Variants in ZNF143 observed in about 807,000 individuals in gnomAD.
ZNF143 encodes the protein zinc finger protein 143, also known as SPH-binding factor.
Under a neutral mutation model 74.1 loss-of-function variants are expected in ZNF143, and 49 were observed. The observed-to-expected ratio is 0.66, with a 90% CI of 0.53 to 0.84. ZNF143 has a LOEUF of 0.84. ZNF143 is among the 40% of genes least tolerant of loss of function. ZNF143 has a pLI of 0.00. For synonymous variants in ZNF143, 304 were observed against 282.8 expected (o/e 1.07, Z -0.75); for missense variants, 637 against 793.4 (o/e 0.80, Z 2.37).
rs1856737562 is a variant in ZNF143 at position 9,473,994 on chromosome 11, T to C, written c.259T>C (p.Tyr87His). The change falls in exon 4 of 16, where the codon TAT (tyrosine) becomes CAT (histidine). Residue 87 changes from tyrosine to histidine, a missense_variant. Coordinates refer to ENST00000396602, the MANE Select transcript of ZNF143 (RefSeq NM_003442.6). ...VIQLEDGSAA[Y>H]VQHVPIPKST... ...TCAGTTGGAAGATGGTTCTGCGGCC[T>C]ATGTTCAACATGTACCCATACCTAA... is the stretch of plus-strand genomic sequence containing the variant. 2 of 1,613,972 alleles carry C rather than the reference T, an allele frequency of 1.2e-6. No homozygotes were observed. The highest frequency in any genetic ancestry group is 1.7e-6 in the Non-Finnish European group (2 of 1,179,886).
At chr11:9,513,440 T>A (rs1388153622) in intron 13 of ZNF143, among the ~76,000 whole-genome samples, 3 of 152,256 alleles carry the variant, frequency 2.0e-5, no homozygotes, top group Non-Finnish European at 4.4e-5. Flanking sequence ...TAATTCTGCA[T>A]CAGCCTTAAC....
chr11:9,497,220 T>TA (rs1354514272), intron 9 of ZNF143, among the ~76,000 whole-genome samples: 13 of 152,190 alleles, frequency 8.5e-5, no homozygotes, highest in Non-Finnish European at 1.0e-4. Context: ...CGAGCTATGA[T>TA]ACTTTTGTAC....
At chr11:9,465,176 CTATTTTTTT>C (rs1235720209) in intron 1 of ZNF143, among the ~76,000 whole-genome samples, 3 of 152,044 alleles carry the variant, frequency 2.0e-5, no homozygotes, top group Non-Finnish European at 4.4e-5. Context: ...TTGGGACTTA[CTATTTTTTT>C]TATTTATTTT....
chr11:9,485,487 A>G (rs1847437690), intron 7 of ZNF143, among the ~76,000 whole-genome samples: 1 of 150,868 alleles, frequency 6.6e-6, no homozygotes, highest in South Asian at 2.1e-4. Context: ...AGCTGGAATT[A>G]CAGGCTTATA....
At chr11:9,519,946 G>A (rs192148012) in intron 14 of ZNF143, among the ~76,000 whole-genome samples, 1 of 152,044 alleles carries the variant, frequency 6.6e-6, no homozygotes, top group East Asian at 1.9e-4. Flanking sequence ...AGCACTTTGG[G>A]AGGCCAAGGT....
At chr11:9,525,799 A>G (rs1007193169) in intron 15 of ZNF143, among the ~76,000 whole-genome samples, 1 of 152,178 alleles carries the variant, frequency 6.6e-6, no homozygotes, top group Admixed American at 6.5e-5. Context: ...AAAGTGGGGA[A>G]TGTCAGAAGA....
In ZNF143 at chr11:9,473,940, G is replaced by A; in HGVS notation, c.206-1G>A. The A allele has an allele frequency of 2.5e-6, 4 of 1,614,064 alleles. No homozygotes were observed. Among genetic ancestry groups the A allele is most frequent in the Non-Finnish European group, 3.4e-6 (4 of 1,179,962 alleles). On this transcript the variant is annotated splice_acceptor_variant, in intron 3 of 15. Coordinates refer to ENST00000396602, the MANE Select transcript of ZNF143 (RefSeq NM_003442.6). LOFTEE classifies it high-confidence loss of function. ...TTATTGTCTTGAATCTTTTGTTATA[G>A]ATGCAAAACTCATAGATGGCCAGGT...
chr11:9,474,547 G>T lies in ZNF143; in HGVS notation c.290-3G>T, dbSNP rs759838783. The T allele has an allele frequency of 1.2e-6, 2 of 1,613,952 alleles. No individual in the cohort carries two copies. The highest frequency in any genetic ancestry group is 3.3e-5 in the Admixed American group (2 of 59,970). ...AGATCTAAATGTAAGCATTGTTCTT[G>T]AGCAGGGGACAGTTTGCGTCTAGAG... On this transcript the variant is annotated splice_polypyrimidine_tract_variant and splice_region_variant and intron_variant, in intron 4 of 15. Transcript: ENST00000396602.
intron 1 of ZNF143, among the ~76,000 whole-genome samples, chr11:9,462,500 C>T (rs1431577870): frequency 6.6e-6 from 1 of 151,492 alleles, no homozygotes; most frequent in Non-Finnish European, 1.5e-5. Context: ...GAGTTCCAGG[C>T]TGCAGTGAGC....
intron 1 of ZNF143, chr11:9,471,077 C>G (rs1268193793): frequency 3.6e-6 from 1 of 279,850 alleles, no homozygotes; most frequent in Admixed American, 5.3e-5. Flanking sequence ...TTCTAAGTTG[C>G]TAAGCGCACT....
At chr11:9,497,278 T>TG (rs1356919193) in intron 9 of ZNF143, among the ~76,000 whole-genome samples, 7 of 152,238 alleles carry the variant, frequency 4.6e-5, no homozygotes, top group African/African-American at 1.7e-4. Flanking sequence ...TCGCCCAGCC[T>TG]GGAGTGCAGT....
chr11:9,525,245 A>G lies in ZNF143; in HGVS notation c.1692A>G (p.Ala564=). The G allele has an allele frequency of 3.1e-6, 5 of 1,614,124 alleles. No individual in the cohort carries two copies. Among genetic ancestry groups the G allele is most frequent in the Non-Finnish European group, 4.2e-6 (5 of 1,180,012 alleles). The change falls in exon 15 of 16, where the codon GCA becomes GCG. Residue 564 remains alanine (A), a synonymous_variant. Coordinates refer to ENST00000396602, the MANE Select transcript of ZNF143 (RefSeq NM_003442.6). ...TTTGTTTTGTTTTGCTTAAGGTTGC[A>G]ATTGTAGCTCAAGACTTGGCAGCAT... is the stretch of plus-strand genomic sequence containing the variant. ...TAEGTEGEQV[A]IVAQDLAAFH...
At chr11:9,471,224 TG>T in intron 1 of ZNF143, 77 bp from the exon 2 acceptor site, 1 of 1,197,144 alleles carries the variant, frequency 8.4e-7, no homozygotes, top group Non-Finnish European at 1.2e-6. Flanking sequence ...CAGCTTTTTG[TG>T]GTTCATAAAT....
chr11:9,503,289 G>A (rs1848235139), intron 11 of ZNF143, among the ~76,000 whole-genome samples: 1 of 152,134 alleles, frequency 6.6e-6, no homozygotes, highest in African/African-American at 2.4e-5. Context: ...GATTACATAT[G>A]TCATATGTAT....
intron 1 of ZNF143, among the ~76,000 whole-genome samples, chr11:9,466,897 T>G (rs1856260424): frequency 6.6e-6 from 1 of 151,422 alleles, no homozygotes. Context: ...TTTGTGTGTG[T>G]GTGTGTGTTT....
At chr11:9,520,096 G>A (rs1481677866) in intron 14 of ZNF143, among the ~76,000 whole-genome samples, 1 of 141,486 alleles carries the variant, frequency 7.1e-6, no homozygotes, top group Admixed American at 7.3e-5. Context: ...CAGTGCAGTG[G>A]CCCAATCTCG....
In ZNF143 at chr11:9,504,465, C is replaced by T. The variant is rs191977174; in HGVS notation, c.1147+3195C>T. On this transcript the variant is annotated intron_variant, in intron 11 of 15. Transcript: ENST00000396602. ...ATTCTGTGGCTGGTTTTTTAATTCT[C>T]TTAATGATATTTGCAGTATAGAAGC... Among the ~76,000 whole-genome samples, 2 of 125,546 alleles carry T rather than the reference C, an allele frequency of 1.6e-5. 1 individual carries two copies. The highest frequency in any genetic ancestry group is 1.7e-4 in the Admixed American group (2 of 11,794). The allele number at this position is 125,546 out of a possible 152,430, so 82.4% of individuals were successfully genotyped here.
rs1488814509 is a variant in ZNF143, at chr11:9,471,428, G to A, written c.112+8G>A. 1.3e-6 allele frequency: 2 copies of A among 1,576,526 alleles called. No homozygotes were observed. The highest frequency in any genetic ancestry group is 1.7e-6 in the Non-Finnish European group (2 of 1,163,770). ...AGGCAGTCACCGTGGCAGGTGAGCA[G>A]TTGTGTTTGAAGGGATGCGTTTGAA... On this transcript the variant is annotated splice_region_variant and intron_variant, in intron 2 of 15. Transcript: ENST00000396602.
intron 7 of ZNF143, among the ~76,000 whole-genome samples, chr11:9,480,933 G>A (rs149914086): frequency 9.2e-5 from 14 of 151,942 alleles, no homozygotes; most frequent in African/African-American, 2.2e-4. Flanking sequence ...GCTTCTACGC[G>A]TTGCTGAATA....
Sources: gnomAD v4.1 joint callset for allele counts (sites outside exome capture counted in the v4.1 genomes callset) on GRCh38, gnomAD v4.1.1 for gene constraint, MANE v1.5 for transcripts, NCBI Gene and HGNC (gene_info 2026-07-23, HGNC 2026-07-21) for gene names.